MSH3: variants seen among roughly 807,000 people sequenced by gnomAD.
MSH3 encodes the protein mutS homolog 3, also known as DNA mismatch repair protein Msh3.
A neutral mutation model predicts 123.3 loss-of-function variants in MSH3; 106 were observed. The observed-to-expected ratio is 0.86, with a 90% CI of 0.73 to 1.01. The LOEUF (loss-of-function observed/expected upper bound fraction) is 1.01, where lower values mean the gene tolerates loss of function less well. MSH3 is among the 50% of genes least tolerant of loss of function. The pLI, the probability that MSH3 is intolerant of heterozygous loss-of-function variation, is 0.00. For synonymous variants in MSH3, 515 were observed against 481.4 expected (o/e 1.07, Z -0.91); for missense variants, 1,459 against 1,347.6 (o/e 1.08, Z -1.29).
At chr5:80,750,124 AATC>A (rs1473431624) in intron 12 of MSH3, among the ~76,000 whole-genome samples, 4 of 115,426 alleles carry the variant, frequency 3.5e-5, no homozygotes, top group Non-Finnish European at 7.0e-5. Flanking sequence ...ACATTTAAAA[AATC>A]TATTCATCTA....
At chr5:80,785,375 A>G (rs1396561934) in intron 17 of MSH3, among the ~76,000 whole-genome samples, 2 of 152,202 alleles carry the variant, frequency 1.3e-5, no homozygotes, top group African/African-American at 4.8e-5. Context: ...ATCACTGGCC[A>G]TCAGAGAAAT....
At chr5:80,837,862 G>C (rs1427519178) in intron 20 of MSH3, among the ~76,000 whole-genome samples, 1 of 152,176 alleles carries the variant, frequency 6.6e-6, no homozygotes, top group African/African-American at 2.4e-5. Context: ...GTCAGGACTA[G>C]AGATGCATCC....
rs1398700459 is a variant in MSH3, at chr5:80,791,899, A to C, written c.2544-834A>C. ...ACATCTGGGAAGGAGAGCTGAGAGTAGGGCAGGGCTCAGAGGTGCTTGAAT... is the reference window on the plus strand; with the variant it reads ...ACATCTGGGAAGGAGAGCTGAGAGTCGGGCAGGGCTCAGAGGTGCTTGAAT... On this transcript the variant is annotated intron_variant, in intron 18 of 23. Transcript: ENST00000265081. Among the ~76,000 whole-genome samples the C allele has an allele frequency of 3.3e-5, 5 of 152,224 alleles. No individual in the cohort carries two copies. In the East Asian group the frequency reaches 9.6e-4, roughly 29 times the overall value.
At chr5:80,657,928 C>T (rs1265113839) in intron 2 of MSH3, among the ~76,000 whole-genome samples, 1 of 151,802 alleles carries the variant, frequency 6.6e-6, no homozygotes, top group African/African-American at 2.4e-5. Context: ...CTTGATTATT[C>T]TGCATAGACC....
At chr5:80,685,333 T>A (rs1750063544) in intron 8 of MSH3, among the ~76,000 whole-genome samples, 1 of 151,886 alleles carries the variant, frequency 6.6e-6, no homozygotes, top group Non-Finnish European at 1.5e-5. Context: ...TTATTATGGC[T>A]TCAATCTCGT....
intron 7 of MSH3, among the ~76,000 whole-genome samples, chr5:80,676,433 A>G (rs1749840060): frequency 6.6e-6 from 1 of 152,260 alleles, no homozygotes; most frequent in Non-Finnish European, 1.5e-5. Context: ...AAGGCCCTTC[A>G]GAACAATCAG....
chr5:80,838,866 G>A (rs1044185763), intron 20 of MSH3, among the ~76,000 whole-genome samples: 3 of 152,058 alleles, frequency 2.0e-5, no homozygotes, highest in Non-Finnish European at 4.4e-5. Flanking sequence ...TTTTAATTAC[G>A]ACATTTATAC....
intron 20 of MSH3, 106 bp downstream of exon 20, chr5:80,813,847 C>G: frequency 8.1e-7 from 1 of 1,233,658 alleles, no homozygotes; most frequent in Admixed American, 1.7e-5. Flanking sequence ...TTAAAGCACT[C>G]AACATTTAGG....
chr5:80,686,294 G>A (rs1750087745), intron 8 of MSH3, among the ~76,000 whole-genome samples: 1 of 151,956 alleles, frequency 6.6e-6, no homozygotes, highest in African/African-American at 2.4e-5. Flanking sequence ...GTATCCAGCT[G>A]CTATTTTTTT....
At chr5:80,703,617 C>T (rs995068843) in intron 8 of MSH3, among the ~76,000 whole-genome samples, 1 of 152,000 alleles carries the variant, frequency 6.6e-6, no homozygotes, top group African/African-American at 2.4e-5. Flanking sequence ...CCTGTGTATG[C>T]TGAAGTCTGC....
chr5:80,775,771 T>C lies in MSH3; in HGVS notation c.2318+13T>C, dbSNP rs1744287315. ...TAAAGGTTGGAAGGTAGGTTTAAAA[T>C]AAATTTTTTTCTTACAATGCATTAT... On this transcript the variant is annotated intron_variant, in intron 16 of 23. Transcript: ENST00000265081. 6.6e-7 allele frequency: 1 copy of C among 1,523,990 alleles called. No individual in the cohort carries two copies. Among genetic ancestry groups the C allele is most frequent in the Non-Finnish European group, 9.1e-7 (1 of 1,098,966 alleles). 94.4% of individuals were successfully genotyped at this position (1,523,990 alleles called of 1,614,324 possible). A position where few individuals can be genotyped will look rare whatever the true frequency, so the allele number is the denominator to read the frequency against.
chr5:80,846,700 T>A (rs1282223430), intron 20 of MSH3, among the ~76,000 whole-genome samples: 1 of 152,232 alleles, frequency 6.6e-6, no homozygotes. Context: ...CAAGGCTCCG[T>A]GGGCGTGAGA....
Position 80,679,023 on chromosome 5 carries a change from G to C in MSH3, c.1270G>C (p.Val424Leu), listed in dbSNP as rs1418423507. The change falls in exon 8 of 24, where the codon GTA (valine) becomes CTA (leucine). Residue 424 changes from valine (V) to leucine (L), a missense_variant. Transcript: ENST00000265081. Reference sequence around the variant, plus strand: ...AACCCGGATGTCAAGCCTGCAGCCAGTAGAGCTGCTGCTTCCTTCGGCCTT... The same window carrying C: ...AACCCGGATGTCAAGCCTGCAGCCACTAGAGCTGCTGCTTCCTTCGGCCTT... ...LETRMSSLQP[V>L]ELLLPSALSE... 6.2e-7 allele frequency: 1 copy of C among 1,614,132 alleles called. No individual in the cohort carries two copies. Among genetic ancestry groups the C allele is most frequent in the Non-Finnish European group, 8.5e-7 (1 of 1,179,986 alleles).
Position 80,752,480 on chromosome 5 carries a change from C to T in MSH3, c.1763+7865C>T, listed in dbSNP as rs184460902. Among the ~76,000 whole-genome samples, 24 of 152,202 alleles carry T rather than the reference C, an allele frequency of 1.6e-4. 1 individual carries two copies. The highest frequency in any genetic ancestry group is 1.5e-3 in the Admixed American group (23 of 15,280). On this transcript the variant is annotated intron_variant, in intron 12 of 23. Coordinates refer to ENST00000265081, the MANE Select transcript of MSH3 (RefSeq NM_002439.5). ...GTTTTTCCAAGGTCATCCAGCCAAG[C>T]ACATAGGGGACCTTTTGAAAGCATA... is the stretch of plus-strand genomic sequence containing the variant.
chr5:80,692,080 A>T (rs1750283646), intron 8 of MSH3, among the ~76,000 whole-genome samples: 1 of 146,230 alleles, frequency 6.8e-6, no homozygotes, highest in African/African-American at 2.5e-5. Flanking sequence ...ATAGATAAAC[A>T]TGTATATGTT....
At chr5:80,711,103 A>T (rs1319699190) in intron 8 of MSH3, among the ~76,000 whole-genome samples, 1 of 152,256 alleles carries the variant, frequency 6.6e-6, no homozygotes, top group East Asian at 1.9e-4. Flanking sequence ...CTAGAAAAAA[A>T]GTTTTAGAAC....
chr5:80,727,472 A>G (rs947361506), intron 9 of MSH3, among the ~76,000 whole-genome samples: 4 of 152,238 alleles, frequency 2.6e-5, no homozygotes, highest in African/African-American at 9.6e-5. Context: ...GTAGTCGTAT[A>G]TAAGGAAAAA....
intron 2 of MSH3, among the ~76,000 whole-genome samples, chr5:80,659,985 C>G (rs762843587): frequency 2.0e-5 from 3 of 152,114 alleles, no homozygotes; most frequent in Non-Finnish European, 2.9e-5. Flanking sequence ...TTTATACTCA[C>G]AAGCAAACTT....
At chr5:80,661,518 C>T (rs980374033) in intron 2 of MSH3, among the ~76,000 whole-genome samples, 10 of 151,980 alleles carry the variant, frequency 6.6e-5, no homozygotes. Context: ...AAATATTTTC[C>T]AGTTCTCTAT....
Sources: allele counts gnomAD v4.1 joint callset (sites outside exome capture counted in the v4.1 genomes callset), GRCh38; gene constraint gnomAD v4.1.1; transcripts MANE v1.5; gene names NCBI Gene and HGNC (gene_info 2026-07-23, HGNC 2026-07-21).